The following PCTP variants were observed in gnomAD, a reference collection of about 807,000 sequenced individuals.
PCTP encodes START domain-containing protein 2.
A neutral mutation model predicts 31.0 loss-of-function variants in PCTP; 27 were observed. That is an observed-to-expected ratio of 0.87 (90% confidence interval 0.64 to 1.20). The LOEUF (loss-of-function observed/expected upper bound fraction) is 1.20. Among genes scored for constraint, PCTP ranks in the 50% most tolerant of loss-of-function variants. The pLI is 0.00. For synonymous variants in PCTP, 108 were observed against 101.2 expected, an observed-to-expected ratio of 1.07 and a Z score of -0.40; for missense variants, 287 against 268.2, an observed-to-expected ratio of 1.07 and a Z score of -0.49.
chr17:55,834,129 C>T (rs567561979), intron 5 of PCTP, among the ~76,000 whole-genome samples: 3 of 152,230 alleles, frequency 2.0e-5, no homozygotes, highest in East Asian at 1.9e-4. Context: ...CCACAGCACC[C>T]CTACTTTCCT....
At chr17:55,755,339 G>T (rs1909953174) in intron 1 of PCTP, among the ~76,000 whole-genome samples, 1 of 152,156 alleles carries the variant, frequency 6.6e-6, no homozygotes, top group Non-Finnish European at 1.5e-5. Flanking sequence ...GCTTCTTGGG[G>T]CTCTTGAGCA....
At chr17:55,826,132 G>C (rs183758589), downstream of PCTP, among the ~76,000 whole-genome samples, 44 of 152,302 alleles carry the variant, frequency 2.9e-4, no homozygotes, top group African/African-American at 9.4e-4. Context: ...CATCATCTGA[G>C]GAGTTTTTTT....
chr17:55,846,809 AT>A (rs1421262618), downstream of PCTP, among the ~76,000 whole-genome samples: 4 of 152,182 alleles, frequency 2.6e-5, no homozygotes, highest in East Asian at 5.8e-4. Flanking sequence ...ATCTGTTCTG[AT>A]TTAAAAATCT....
chr17:55,833,893 T>C (rs1401555521), intron 5 of PCTP, among the ~76,000 whole-genome samples: 1 of 152,252 alleles, frequency 6.6e-6, no homozygotes, highest in Non-Finnish European at 1.5e-5. Context: ...TGTTGAGCCT[T>C]CAAATCCTTC....
At chr17:55,753,725 C>T (rs750475114) in intron 1 of PCTP, among the ~76,000 whole-genome samples, 1 of 152,172 alleles carries the variant, frequency 6.6e-6, no homozygotes, top group African/African-American at 2.4e-5. Flanking sequence ...TCTCCTCTAG[C>T]GAGCCCAGAC....
chr17:55,764,032 G>A (rs899137378), intron 1 of PCTP, among the ~76,000 whole-genome samples: 1 of 152,164 alleles, frequency 6.6e-6, no homozygotes, highest in Non-Finnish European at 1.5e-5. Context: ...CTGTACTCAC[G>A]CAAATTATGG....
intron 5 of PCTP, among the ~76,000 whole-genome samples, chr17:55,840,069 A>T (rs1905923696): frequency 6.6e-6 from 1 of 152,026 alleles, no homozygotes. Flanking sequence ...ATTTTTTAAA[A>T]TTTTGCACCA....
chr17:55,851,861 A>C, the PCTP span, among the ~76,000 whole-genome samples: 1 of 152,212 alleles, frequency 6.6e-6, no homozygotes, highest in Non-Finnish European at 1.5e-5. Flanking sequence ...AAATGGAACA[A>C]CCACAATTGA....
chr17:55,810,057 T>C (rs1374398405), intron 3 of PCTP, among the ~76,000 whole-genome samples: 1 of 152,156 alleles, frequency 6.6e-6, no homozygotes, highest in Admixed American at 6.5e-5. Flanking sequence ...TCTCACTCTT[T>C]CACCCAGGCT....
At chr17:55,763,755 A>C (rs1910473468) in intron 1 of PCTP, among the ~76,000 whole-genome samples, 2 of 152,198 alleles carry the variant, frequency 1.3e-5, no homozygotes. Context: ...CATTTTTATA[A>C]ACTTTTTAAT....
At chr17:55,804,763 G>T (rs2145033627) in intron 3 of PCTP, among the ~76,000 whole-genome samples, 1 of 152,114 alleles carries the variant, frequency 6.6e-6, no homozygotes, top group Non-Finnish European at 1.5e-5. Context: ...AGTTAATGTA[G>T]ATGACGGGTT....
At chr17:55,774,754 T>G in intron 4 of PCTP, 38 bp from the exon 5 acceptor site, 1 of 1,528,156 alleles carries the variant, frequency 6.5e-7, no homozygotes, top group Non-Finnish European at 9.1e-7. Context: ...TTCTGGTATT[T>G]TTCCTTTTTC....
chr17:55,767,765 C>CT lies in PCTP; in HGVS notation c.259+333dup, dbSNP rs10634278. On this transcript the variant is annotated intron_variant, in intron 2 of 5. Transcript: ENST00000268896. ...CAGGCATGAGCCGCTGCACCCAGTG[C>CT]TTTTTTTTTTTTTTTTTTTTGATCA... 8.1e-3 allele frequency among the ~76,000 whole-genome samples: 839 copies of CT among 103,474 alleles called. 37 individuals are homozygous for CT. Among genetic ancestry groups the CT allele is most frequent in the African/African-American group, 0.025 (679 of 27,336 alleles). The allele number at this position is 103,474 out of a possible 152,430, so 67.9% of individuals were successfully genotyped here. A position where few individuals can be genotyped will look rare whatever the true frequency, so the allele number is the denominator to read the frequency against.
intron 3 of PCTP, among the ~76,000 whole-genome samples, chr17:55,800,446 A>G (rs931465977): frequency 4.0e-5 from 6 of 151,890 alleles, no homozygotes; most frequent in Non-Finnish European, 8.8e-5. Flanking sequence ...GTTCTTCTCT[A>G]AACTGGTTAT....
chr17:55,844,346 C>A (rs961900226), downstream of PCTP, among the ~76,000 whole-genome samples: 4 of 152,132 alleles, frequency 2.6e-5, no homozygotes, highest in Non-Finnish European at 5.9e-5. Context: ...GGCTCTGGGT[C>A]CCCAGCACTG....
chr17:55,823,556 A>T (rs528787093), downstream of PCTP, among the ~76,000 whole-genome samples: 205 of 152,334 alleles, frequency 1.3e-3, 1 homozygote, highest in South Asian at 5.4e-3. Context: ...TGGAAAGTAA[A>T]TATATAAATT....
At chr17:55,821,469 C>G (rs993732323) in intron 3 of PCTP, among the ~76,000 whole-genome samples, 2 of 152,136 alleles carry the variant, frequency 1.3e-5, no homozygotes, top group African/African-American at 4.8e-5. Flanking sequence ...CTGTTATTTA[C>G]TAAAAACCAT....
downstream of PCTP, among the ~76,000 whole-genome samples, chr17:55,847,341 T>C (rs1242371088): frequency 6.6e-6 from 1 of 152,228 alleles, no homozygotes; most frequent in Non-Finnish European, 1.5e-5. Flanking sequence ...CCTACCCAAA[T>C]TTCATCTTGC....
At chr17:55,817,095 C>T (rs1178190913) in intron 3 of PCTP, among the ~76,000 whole-genome samples, 1 of 152,184 alleles carries the variant, frequency 6.6e-6, no homozygotes, top group African/African-American at 2.4e-5. Context: ...CTTAAAACCA[C>T]ATTTTGTAGA....
Sources: gnomAD v4.1 joint callset for allele counts (sites outside exome capture counted in the v4.1 genomes callset) on GRCh38, gnomAD v4.1.1 for gene constraint, MANE v1.5 for transcripts, NCBI Gene and HGNC (gene_info 2026-07-23, HGNC 2026-07-21) for gene names.